MTUS2: variants seen among roughly 807,000 people sequenced by gnomAD.
MTUS2 encodes the protein microtubule associated scaffold protein 2.
MTUS2 carries 40 observed loss-of-function variants against 114.1 expected under a neutral mutation model. The ratio of observed to expected loss-of-function variants is 0.35; its 90% CI spans 0.27 to 0.46. The LOEUF (loss-of-function observed/expected upper bound fraction) is 0.46, where lower values mean the gene tolerates loss of function less well. MTUS2 is among the 20% of genes least tolerant of loss of function. MTUS2 has a pLI of 1.00. For synonymous variants in MTUS2, 688 were observed against 672.0 expected, an observed-to-expected ratio of 1.02 and a Z score of -0.37; for missense variants, 1,679 against 1,705.4, an observed-to-expected ratio of 0.98 and a Z score of 0.27.
At chr13:29,206,444 G>A (rs1895188505) in intron 5 of MTUS2, among the ~76,000 whole-genome samples, 1 of 152,066 alleles carries the variant, frequency 6.6e-6, no homozygotes, top group Admixed American at 6.5e-5. Flanking sequence ...TGTTTTTCTT[G>A]AATTTGCTTT....
chr13:28,927,972 C>T (rs1211430318), intron 2 of MTUS2, among the ~76,000 whole-genome samples: 1 of 152,080 alleles, frequency 6.6e-6, no homozygotes, highest in Non-Finnish European at 1.5e-5. Flanking sequence ...ACCTTTACAG[C>T]CAACTCGTTT....
intron 2 of MTUS2, among the ~76,000 whole-genome samples, chr13:28,843,439 AG>A (rs2137996667): frequency 6.6e-6 from 1 of 152,232 alleles, no homozygotes; most frequent in African/African-American, 2.4e-5. Context: ...AGGCAGGGTA[AG>A]GTTAATCCTT....
chr13:29,308,982 GGTA>G (rs1307018771), intron 6 of MTUS2, among the ~76,000 whole-genome samples: 1 of 151,772 alleles, frequency 6.6e-6, no homozygotes, highest in Non-Finnish European at 1.5e-5. Flanking sequence ...TGGGTGGGAG[GGTA>G]AATTAGTTCA....
chr13:29,272,597 G>A (rs866015318), intron 5 of MTUS2, among the ~76,000 whole-genome samples: 9 of 152,140 alleles, frequency 5.9e-5, no homozygotes, highest in East Asian at 1.9e-4. Flanking sequence ...TCACTCGAAC[G>A]TCAGTCACAG....
intron 2 of MTUS2, among the ~76,000 whole-genome samples, chr13:28,995,254 A>G (rs544353496): frequency 2.8e-4 from 43 of 152,234 alleles, no homozygotes; most frequent in African/African-American, 7.7e-4. Flanking sequence ...TGTTCCATTG[A>G]TCTATATCTC....
intron 2 of MTUS2, among the ~76,000 whole-genome samples, chr13:28,891,748 C>T (rs1205864952): frequency 2.7e-5 from 4 of 148,678 alleles, no homozygotes; most frequent in East Asian, 4.1e-4. Flanking sequence ...TGTGCTGGTG[C>T]GTGCCTGTAA....
At chr13:29,283,856 A>G (rs1898371837) in intron 6 of MTUS2, among the ~76,000 whole-genome samples, 1 of 152,218 alleles carries the variant, frequency 6.6e-6, no homozygotes, top group Non-Finnish European at 1.5e-5. Context: ...AGGTGAAACT[A>G]CAATAGATTA....
intron 5 of MTUS2, among the ~76,000 whole-genome samples, chr13:29,212,531 A>C (rs899249630): frequency 3.3e-5 from 5 of 152,206 alleles, no homozygotes; most frequent in African/African-American, 1.2e-4. Flanking sequence ...TGCCAACTAC[A>C]AGTAGTAGGT....
At chr13:29,091,162 C>A (rs1008490966) in intron 4 of MTUS2, among the ~76,000 whole-genome samples, 2 of 152,030 alleles carry the variant, frequency 1.3e-5, no homozygotes, top group African/African-American at 4.8e-5. Context: ...TGGAATATGG[C>A]AGTCTACTCA....
chr13:29,452,596 G>A (rs1337018416), intron 9 of MTUS2, among the ~76,000 whole-genome samples: 249 of 141,712 alleles, frequency 1.8e-3, no homozygotes, highest in Non-Finnish European at 2.3e-3. Context: ...GTGTGTGTGT[G>A]TGTGTGTGTG....
At chr13:28,964,969 C>T (rs947086461) in intron 2 of MTUS2, among the ~76,000 whole-genome samples, 7 of 151,886 alleles carry the variant, frequency 4.6e-5, no homozygotes, top group South Asian at 2.1e-4. Flanking sequence ...TAGAAACATG[C>T]GGTTTGTGTG....
At chr13:28,996,506 C>G (rs542424808) in intron 2 of MTUS2, among the ~76,000 whole-genome samples, 36 of 152,190 alleles carry the variant, frequency 2.4e-4, no homozygotes, top group African/African-American at 7.0e-4. Flanking sequence ...TGGTAGAATT[C>G]GGCTGTGAAT....
chr13:29,480,260 G>A lies in MTUS2; in HGVS notation c.3295G>A (p.Glu1099Lys). 6.4e-7 allele frequency: 1 copy of A among 1,553,894 alleles called. No individual in the cohort carries two copies. The highest frequency in any genetic ancestry group is 8.7e-7 in the Non-Finnish European group (1 of 1,148,550). Residue 1099 changes from glutamate (E) to lysine (K), a missense_variant, in exon 10 of 16, where the codon GAG becomes AAG. By Grantham distance (56) the Glu-to-Lys change is moderately conservative (BLOSUM62 1). Around this residue, in one of 3 missense-constraint regions of MTUS2, gnomAD observed 822 missense variants for 899.7 expected, o/e 0.91. Coordinates refer to ENST00000612955, the MANE Select transcript of MTUS2 (RefSeq NM_001033602.4). The surrounding 1 kb of genome is among the most constrained non-coding windows in gnomAD (Gnocchi z 4.4). ...LGWQQQAELQ[E>K]LEERLQLQFE... is the part of the protein sequence containing the mutation. ...CTGGCAGCAGCAGGCCGAGCTCCAGGAGCTGGAGGAGCGGCTGCAGCTGCA... is the reference window on the plus strand; with the variant it reads ...CTGGCAGCAGCAGGCCGAGCTCCAGAAGCTGGAGGAGCGGCTGCAGCTGCA...
At chr13:29,467,263 CTCTT>C (rs1486614202) in intron 9 of MTUS2, among the ~76,000 whole-genome samples, 1 of 152,144 alleles carries the variant, frequency 6.6e-6, no homozygotes, top group Admixed American at 6.5e-5. Context: ...TTTTTAAAAG[CTCTT>C]TCTAAAAGGG....
chr13:28,870,976 A>T (rs1438989343), intron 2 of MTUS2, among the ~76,000 whole-genome samples: 1 of 152,176 alleles, frequency 6.6e-6, no homozygotes, highest in East Asian at 1.9e-4. Flanking sequence ...TCATTATCAA[A>T]TATCTACTGA....
intron 7 of MTUS2, among the ~76,000 whole-genome samples, chr13:29,330,455 C>A: frequency 6.6e-6 from 1 of 152,060 alleles, no homozygotes; most frequent in East Asian, 1.9e-4. Context: ...CCCCATTTGT[C>A]GATTTTGGCT....
intron 6 of MTUS2, among the ~76,000 whole-genome samples, chr13:29,286,268 T>C (rs1224077979): frequency 6.6e-6 from 1 of 152,222 alleles, no homozygotes; most frequent in Non-Finnish European, 1.5e-5. Context: ...GGCTATGTTT[T>C]TAAAAAGAGT....
chr13:29,261,664 A>G (rs1339345426), intron 5 of MTUS2, among the ~76,000 whole-genome samples: 1 of 152,232 alleles, frequency 6.6e-6, no homozygotes, highest in African/African-American at 2.4e-5. Flanking sequence ...TACCATATTA[A>G]TAACTTCAGC....
In MTUS2 at chr13:29,503,255, C is replaced by T. The variant is rs945438599; in HGVS notation, c.*49C>T. The stretch of plus-strand genomic sequence containing the variant: ...CTCCGGCTTCTCGTCCTCCGGTCTC[C>T]ACCCTGAGGGAGCACCGACCCGGTG... On this transcript the variant is annotated 3_prime_UTR_variant, in exon 16 of 16. Coordinates refer to ENST00000612955, the MANE Select transcript of MTUS2 (RefSeq NM_001033602.4). The T allele has an allele frequency of 5.6e-6, 9 of 1,595,692 alleles. No individual in the cohort carries two copies. Among genetic ancestry groups the T allele is most frequent in the Non-Finnish European group, 7.7e-6 (9 of 1,169,066 alleles).
Sources: allele counts gnomAD v4.1 joint callset (sites outside exome capture counted in the v4.1 genomes callset), GRCh38; gene constraint gnomAD v4.1.1; regional missense constraint gnomAD v4.1.1; non-coding constraint Gnocchi (gnomAD v3.1); transcripts MANE v1.5; gene names NCBI Gene and HGNC (gene_info 2026-07-23, HGNC 2026-07-21).